EXOC4: variants seen among roughly 807,000 people sequenced by gnomAD.
EXOC4 encodes SEC8-like 1.
EXOC4 carries 71 observed loss-of-function variants against 107.2 expected under a neutral mutation model. The ratio of observed to expected loss-of-function variants is 0.66; its 90% CI spans 0.55 to 0.81. EXOC4 has a LOEUF of 0.81. Ranked by LOEUF, EXOC4 falls within the 30% of genes least tolerant of loss-of-function variation. The probability of loss-of-function intolerance (pLI) is 0.00; values close to 1 mark genes in which losing one functional copy is unlikely to be tolerated. For missense variants in EXOC4, 1,108 were observed against 1,189.6 expected (o/e 0.93, Z 1.01); for synonymous variants, 456 against 441.2 (o/e 1.03, Z -0.42).
intron 10 of EXOC4, among the ~76,000 whole-genome samples, chr7:133,726,717 T>A (rs955962103): frequency 2.0e-5 from 3 of 152,200 alleles, no homozygotes; most frequent in Admixed American, 1.3e-4. Flanking sequence ...AATGAGTACT[T>A]CCCCTTCCCT....
intron 10 of EXOC4, among the ~76,000 whole-genome samples, chr7:133,737,361 A>G (rs1795465463): frequency 6.6e-6 from 1 of 151,718 alleles, no homozygotes; most frequent in African/African-American, 2.4e-5. Flanking sequence ...TGCTGCAGCT[A>G]AACTGGGCTG....
At chr7:133,894,476 C>G (rs1439102888) in intron 11 of EXOC4, among the ~76,000 whole-genome samples, 4 of 130,826 alleles carry the variant, frequency 3.1e-5, no homozygotes, top group Admixed American at 7.3e-5. Context: ...TGGTGAGGAA[C>G]TGCGTTCCTT....
intron 10 of EXOC4, among the ~76,000 whole-genome samples, chr7:133,649,977 G>A (rs1475897305): frequency 6.6e-6 from 1 of 152,108 alleles, no homozygotes; most frequent in Non-Finnish European, 1.5e-5. Context: ...TCAGGAGTAA[G>A]AGAAAGTTTA....
chr7:133,526,110 A>G (rs563682019), intron 9 of EXOC4, among the ~76,000 whole-genome samples: 2 of 152,278 alleles, frequency 1.3e-5, no homozygotes, highest in East Asian at 3.9e-4. Flanking sequence ...ATTCTGCCAG[A>G]AGAGACACTT....
intron 9 of EXOC4, among the ~76,000 whole-genome samples, chr7:133,568,619 T>C (rs1237554260): frequency 6.6e-6 from 1 of 152,182 alleles, no homozygotes; most frequent in Non-Finnish European, 1.5e-5. Flanking sequence ...GAGTATCATT[T>C]ATGTACCAGG....
intron 10 of EXOC4, among the ~76,000 whole-genome samples, chr7:133,779,982 TTA>T (rs1451003811): frequency 1.3e-5 from 2 of 152,142 alleles, no homozygotes; most frequent in African/African-American, 4.8e-5. Flanking sequence ...GCTCCATTCT[TTA>T]AGTCAGCGAG....
chr7:134,068,034 AAAGAC>A (rs1796210491), downstream of EXOC4, among the ~76,000 whole-genome samples: 1 of 152,202 alleles, frequency 6.6e-6, no homozygotes, highest in South Asian at 2.1e-4. Flanking sequence ...CCAGGCTCTG[AAAGAC>A]AAGTTTATTT....
intron 14 of EXOC4, among the ~76,000 whole-genome samples, chr7:133,951,300 G>A (rs769662024): frequency 2.0e-5 from 3 of 152,214 alleles, no homozygotes; most frequent in Non-Finnish European, 4.4e-5. Flanking sequence ...CCTTGGACAA[G>A]GTACTTGACA....
rs1484318414 is a variant in EXOC4 at position 133,317,302 on chromosome 7, T to A, written c.675T>A (p.Ala225=). ...CGTTCAGCTCCCTCGTGAAAGATGC[T>A]TCTGTTCCTCTGATTGATGTTACAA... ...KGKISSLVKD[A]SVPLIDVTNL... Residue 225 remains alanine, a synonymous_variant, in exon 5 of 18, where the codon GCT becomes GCA. Coordinates refer to ENST00000253861, the MANE Select transcript of EXOC4 (RefSeq NM_021807.4). The A allele has an allele frequency of 1.2e-6, 2 of 1,613,210 alleles. No individual in the cohort carries two copies. The highest frequency in any genetic ancestry group is 3.3e-5 in the Admixed American group (2 of 59,976).
chr7:133,783,301 C>G (rs76385085), intron 10 of EXOC4, among the ~76,000 whole-genome samples: 1,869 of 152,200 alleles, frequency 0.012, 37 homozygotes, highest in African/African-American at 0.042. Context: ...GTTGCCAAGG[C>G]CAGCTGTAGT....
rs533613456 is a variant in EXOC4, at chr7:133,448,794, T to G, written c.1183-26534T>G. 6.6e-5 allele frequency among the ~76,000 whole-genome samples: 10 copies of G among 152,226 alleles called. No homozygotes were observed. The South Asian group carries it at 1.2e-3, about 19-fold the overall frequency. ...TTAAATTGGGTCCCAATCTAATGAT[T>G]AGTGACCTTATAGGAAGATGGAAAT... On this transcript the variant is annotated intron_variant, in intron 7 of 17. Transcript: ENST00000253861.
intron 9 of EXOC4, among the ~76,000 whole-genome samples, chr7:133,595,940 G>T (rs1024621098): frequency 1.3e-5 from 2 of 152,080 alleles, no homozygotes; most frequent in African/African-American, 4.8e-5. Context: ...ACCAGATTCT[G>T]GCACCCCTGT....
intron 11 of EXOC4, among the ~76,000 whole-genome samples, chr7:133,818,905 T>C (rs1204225340): frequency 1.3e-5 from 2 of 150,820 alleles, no homozygotes; most frequent in South Asian, 2.1e-4. Flanking sequence ...GACTGTGTCA[T>C]GGAGGCCCCC....
At chr7:133,615,206 C>T (rs1330025313) in intron 9 of EXOC4, among the ~76,000 whole-genome samples, 1 of 151,974 alleles carries the variant, frequency 6.6e-6, no homozygotes, top group Non-Finnish European at 1.5e-5. Flanking sequence ...TTCCCCACCT[C>T]CTCCACTTCT....
At chr7:133,974,561 T>A (rs1793784784) in intron 14 of EXOC4, among the ~76,000 whole-genome samples, 1 of 152,216 alleles carries the variant, frequency 6.6e-6, no homozygotes, top group Non-Finnish European at 1.5e-5. Context: ...TAGATATTAT[T>A]CTCCAGACAT....
chr7:133,995,514 A>C (rs1794368322), intron 14 of EXOC4, among the ~76,000 whole-genome samples: 1 of 152,210 alleles, frequency 6.6e-6, no homozygotes, highest in Non-Finnish European at 1.5e-5. Flanking sequence ...AAATATTGCA[A>C]AAGCAGTGAT....
chr7:133,542,698 T>C (rs968046352), intron 9 of EXOC4, among the ~76,000 whole-genome samples: 1 of 151,892 alleles, frequency 6.6e-6, no homozygotes, highest in Non-Finnish European at 1.5e-5. Context: ...GAACCCTTCA[T>C]TTTGGGGGTA....
At chr7:133,444,562 C>G (rs1223971948) in intron 7 of EXOC4, among the ~76,000 whole-genome samples, 1 of 152,078 alleles carries the variant, frequency 6.6e-6, no homozygotes, top group Non-Finnish European at 1.5e-5. Context: ...TGATGACTTC[C>G]TATGAAAAAG....
intron 10 of EXOC4, among the ~76,000 whole-genome samples, chr7:133,685,502 G>C (rs1794277903): frequency 6.6e-6 from 1 of 152,104 alleles, no homozygotes; most frequent in East Asian, 1.9e-4. Flanking sequence ...ATCTTGGGCA[G>C]TTTTTTATAG....
Sources: gnomAD v4.1 joint callset for allele counts (sites outside exome capture counted in the v4.1 genomes callset) on GRCh38, gnomAD v4.1.1 for gene constraint, MANE v1.5 for transcripts, NCBI Gene and HGNC (gene_info 2026-07-23, HGNC 2026-07-21) for gene names.